FAM3D: variants seen among roughly 807,000 people sequenced by gnomAD.
FAM3D encodes the protein FAM3 metabolism regulating signaling molecule D.
FAM3D carries 26 observed loss-of-function variants against 29.8 expected under a neutral mutation model. That is an observed-to-expected ratio of 0.87 (90% CI 0.64 to 1.21). FAM3D has a LOEUF of 1.21. Ranked by LOEUF, FAM3D falls within the 50% of genes most tolerant of loss-of-function variation. FAM3D has a pLI of 0.00. For missense variants in FAM3D, 253 were observed against 290.9 expected (o/e 0.87, Z 0.95); for synonymous variants, 115 against 102.3 (o/e 1.12, Z -0.75).
intron 6 of FAM3D, among the ~76,000 whole-genome samples, chr3:58,641,864 T>C (rs1016383239): frequency 3.9e-5 from 6 of 152,170 alleles, no homozygotes; most frequent in Non-Finnish European, 7.3e-5. Context: ...TCTGGGGCCA[T>C]CTCATTGGAG....
intron 4 of FAM3D, among the ~76,000 whole-genome samples, chr3:58,647,922 T>C (rs2066525104): frequency 6.6e-6 from 1 of 152,236 alleles, no homozygotes; most frequent in South Asian, 2.1e-4. Context: ...TTGCCAGCTG[T>C]GAAATCAGGA....
chr3:58,645,447 A>G, intron 5 of FAM3D, 62 bp downstream of exon 5: 1 of 1,274,680 alleles, frequency 7.8e-7, no homozygotes. Flanking sequence ...GAGTTTTTTA[A>G]TGAATGAATG....
intron 5 of FAM3D, 49 bp from the exon 6 acceptor site, chr3:58,643,769 G>C: frequency 1.3e-6 from 2 of 1,546,532 alleles, no homozygotes; most frequent in African/African-American, 1.4e-5. Context: ...AGTGTGGAAT[G>C]AACACTCTGC....
chr3:58,641,699 C>G (rs2106760196), intron 6 of FAM3D, among the ~76,000 whole-genome samples: 1 of 152,134 alleles, frequency 6.6e-6, no homozygotes, highest in East Asian at 1.9e-4. Context: ...AGTTTCTTAC[C>G]TGGGAAATGG....
intron 7 of FAM3D, 84 bp downstream of exon 7, chr3:58,640,043 C>T (rs993040453): frequency 3.4e-6 from 5 of 1,474,332 alleles, no homozygotes; most frequent in Middle Eastern, 1.9e-4. Context: ...TACCTCGAGC[C>T]ACCAGGTCCC....
intron 8 of FAM3D, 146 bp downstream of exon 8, chr3:58,636,995 C>T: frequency 1.4e-6 from 1 of 695,304 alleles, no homozygotes; most frequent in South Asian, 1.8e-5. Flanking sequence ...CCTCCTAGAA[C>T]ATTTCTTTGC....
intron 1 of FAM3D, among the ~76,000 whole-genome samples, chr3:58,658,911 G>T (rs1469603090): frequency 1.1e-4 from 17 of 152,220 alleles, no homozygotes; most frequent in Admixed American, 9.8e-4. Context: ...CCTGCCAGCA[G>T]ATGCAAATAC....
intron 1 of FAM3D, among the ~76,000 whole-genome samples, chr3:58,663,155 T>C (rs2066964606): frequency 6.6e-6 from 1 of 152,250 alleles, no homozygotes; most frequent in East Asian, 1.9e-4. Flanking sequence ...TGCCTTGGCC[T>C]CCTGAAGTGC....
Position 58,634,510 on chromosome 3 carries a change from G to C in FAM3D, c.586-142C>G. 1.5e-6 allele frequency: 1 copy of C among 672,376 alleles called. No homozygotes were observed. Among genetic ancestry groups the C allele is most frequent in the Non-Finnish European group, 2.5e-6 (1 of 402,986 alleles). The allele number at this position is 672,376 out of a possible 1,614,324, so 41.7% of individuals were successfully genotyped here. ...TCACAGATGGGGAAACTGAGGCTCA[G>C]AGAGGGGATGCAACTTGCTCAAGAT... is the stretch of plus-strand genomic sequence containing the variant. On this transcript the variant is annotated intron_variant, in intron 9 of 9. Transcript: ENST00000358781. The surrounding 1 kb of genome is among the most constrained non-coding windows in gnomAD (Gnocchi z 4.6).
intron 1 of FAM3D, among the ~76,000 whole-genome samples, chr3:58,658,601 T>C (rs1312567671): frequency 6.6e-6 from 1 of 152,198 alleles, no homozygotes; most frequent in Non-Finnish European, 1.5e-5. Flanking sequence ...CTTCCCTGAC[T>C]CTCTGAGTCA....
At chr3:58,646,474 A>T (rs1439023128) in intron 4 of FAM3D, among the ~76,000 whole-genome samples, 3 of 152,182 alleles carry the variant, frequency 2.0e-5, no homozygotes, top group Non-Finnish European at 2.9e-5. Context: ...TGAGCCCTCA[A>T]CGTGCTCTGT....
intron 2 of FAM3D, 117 bp from the exon 3 acceptor site, chr3:58,653,898 T>C (rs1156340498): frequency 2.6e-6 from 2 of 777,846 alleles, no homozygotes; most frequent in Admixed American, 3.9e-5. Flanking sequence ...ACCACATCCA[T>C]GCTGGGGACC....
intron 4 of FAM3D, among the ~76,000 whole-genome samples, chr3:58,646,077 C>T (rs1369740310): frequency 6.6e-6 from 1 of 152,186 alleles, no homozygotes; most frequent in Non-Finnish European, 1.5e-5. Context: ...AAATTCTCAA[C>T]CTCCTTGCAC....
At chr3:58,652,637 C>T (rs1575486282) in intron 3 of FAM3D, among the ~76,000 whole-genome samples, 1 of 151,846 alleles carries the variant, frequency 6.6e-6, no homozygotes, top group South Asian at 2.1e-4. Flanking sequence ...CTGTTCTCCA[C>T]CAACCCATCC....
chr3:58,637,009 C>T (rs1233613496), intron 8 of FAM3D, 132 bp downstream of exon 8: 2 of 746,016 alleles, frequency 2.7e-6, no homozygotes, highest in Non-Finnish European at 4.5e-6. Flanking sequence ...TCTTTGCATA[C>T]TTGTCTGATA....
At chr3:58,654,061 G>A (rs982612300) in intron 2 of FAM3D, among the ~76,000 whole-genome samples, 2 of 152,258 alleles carry the variant, frequency 1.3e-5, no homozygotes, top group Admixed American at 1.3e-4. Context: ...TAGCCCTCCA[G>A]AGGGAGAGAA....
chr3:58,647,252 G>A (rs2066508314), intron 4 of FAM3D, among the ~76,000 whole-genome samples: 1 of 152,256 alleles, frequency 6.6e-6, no homozygotes, highest in African/African-American at 2.4e-5. Flanking sequence ...TCCGTGAAGG[G>A]CTGTTCAGGA....
chr3:58,664,590 C>T (rs540370993), intron 1 of FAM3D, among the ~76,000 whole-genome samples: 4 of 152,350 alleles, frequency 2.6e-5, no homozygotes, highest in Non-Finnish European at 4.4e-5. Context: ...AACTTATTAC[C>T]GTCCTCATTC....
At chr3:58,636,205 C>A in intron 9 of FAM3D, 89 bp downstream of exon 9, 2 of 1,528,542 alleles carry the variant, frequency 1.3e-6, no homozygotes, top group Non-Finnish European at 1.8e-6. Context: ...AATTTTAAGG[C>A]CCCTGGGAGG....
Sources: gnomAD v4.1 joint callset for allele counts (sites outside exome capture counted in the v4.1 genomes callset) on GRCh38, gnomAD v4.1.1 for gene constraint, Gnocchi (gnomAD v3.1) non-coding constraint, MANE v1.5 for transcripts, NCBI Gene and HGNC (gene_info 2026-07-23, HGNC 2026-07-21) for gene names.